Variants in MYLK observed in about 807,000 individuals in gnomAD.
MYLK encodes the protein myosin light chain kinase, also known as myosin light chain kinase, smooth muscle.
A neutral mutation model predicts 203.4 loss-of-function variants in MYLK; 106 were observed. The observed-to-expected ratio is 0.52, with a 90% CI of 0.45 to 0.61. MYLK has a LOEUF of 0.61. MYLK is among the 20% of genes least tolerant of loss of function. The pLI is 0.00. For missense variants in MYLK, 2,072 were observed against 2,442.3 expected (o/e 0.85, Z 3.20); for synonymous variants, 867 against 959.5 (o/e 0.90, Z 1.78).
At chr3:123,707,129 C>T (rs762280889) in intron 16 of MYLK, among the ~76,000 whole-genome samples, 1 of 152,198 alleles carries the variant, frequency 6.6e-6, no homozygotes, top group Non-Finnish European at 1.5e-5. Context: ...AGCAGCCCCA[C>T]GGAGAGGTCC....
chr3:123,756,616 C>T (rs2063367141), intron 4 of MYLK, among the ~76,000 whole-genome samples: 1 of 152,110 alleles, frequency 6.6e-6, no homozygotes, highest in African/African-American at 2.4e-5. Context: ...CTTTCCTTTC[C>T]CCTGCATTCT....
chr3:123,708,038 T>C (rs748289626), intron 15 of MYLK, 35 bp from the exon 16 acceptor site: 1 of 1,613,156 alleles, frequency 6.2e-7, no homozygotes, highest in East Asian at 2.2e-5. Context: ...TAAACAGGGA[T>C]GTCCCTCAGC....
chr3:123,756,066 G>A (rs2063349602), intron 4 of MYLK, among the ~76,000 whole-genome samples: 2 of 152,282 alleles, frequency 1.3e-5, no homozygotes, highest in South Asian at 4.2e-4. Context: ...AAAGAGGCCT[G>A]GAGAAGTAGA....
At chr3:123,809,892 C>T (rs918241546) in intron 3 of MYLK, among the ~76,000 whole-genome samples, 4 of 152,190 alleles carry the variant, frequency 2.6e-5, no homozygotes, top group African/African-American at 9.7e-5. Context: ...GGTTCTTATA[C>T]ATAGGAATCC....
At chr3:123,760,837 GAA>G (rs2063511173) in intron 4 of MYLK, among the ~76,000 whole-genome samples, 1 of 152,156 alleles carries the variant, frequency 6.6e-6, no homozygotes, top group African/African-American at 2.4e-5. Flanking sequence ...AACCCAATTT[GAA>G]AAGTGATCCT....
At chr3:123,793,187 T>C (rs566075246) in intron 4 of MYLK, among the ~76,000 whole-genome samples, 27 of 152,294 alleles carry the variant, frequency 1.8e-4, no homozygotes, top group Non-Finnish European at 3.4e-4. Flanking sequence ...CCAGTATTCA[T>C]TTATGACAGG....
rs1246408647 is a variant in MYLK at position 123,629,205 on chromosome 3, G to C, written c.5114+269C>G. Reference sequence around the variant, plus strand: ...ACAGCTGCCCCTTGCTCTGTAACGTGGTCAAGTGTCGCTTTTCAAGTCAGG... The same window carrying C: ...ACAGCTGCCCCTTGCTCTGTAACGTCGTCAAGTGTCGCTTTTCAAGTCAGG... On this transcript the variant is annotated intron_variant, in intron 30 of 33. Coordinates refer to ENST00000360304, the MANE Select transcript of MYLK (RefSeq NM_053025.4). This position sits in a 1 kb window ranked among gnomAD's most constrained non-coding sequence, Gnocchi z 4.4. 2.6e-5 allele frequency among the ~76,000 whole-genome samples: 4 copies of C among 152,166 alleles called. No individual in the cohort carries two copies. Among genetic ancestry groups the C allele is most frequent in the Non-Finnish European group, 5.9e-5 (4 of 68,020 alleles).
chr3:123,765,358 C>T (rs962080138), intron 4 of MYLK, among the ~76,000 whole-genome samples: 8 of 152,056 alleles, frequency 5.3e-5, no homozygotes, highest in South Asian at 2.1e-4. Flanking sequence ...TGGTGAAACC[C>T]CGTCTCTACT....
At chr3:123,688,315 G>C (rs1164834552) in intron 19 of MYLK, among the ~76,000 whole-genome samples, 1 of 152,040 alleles carries the variant, frequency 6.6e-6, no homozygotes, top group Admixed American at 6.6e-5. Context: ...AACTTCACAT[G>C]CACTAAACTC....
chr3:123,785,723 A>T (rs1353750129), intron 4 of MYLK, among the ~76,000 whole-genome samples: 1 of 152,242 alleles, frequency 6.6e-6, no homozygotes, highest in Non-Finnish European at 1.5e-5. Flanking sequence ...AGGACATTCT[A>T]TGATAATGGA....
At chr3:123,719,324 A>G (rs1219240614) in intron 13 of MYLK, among the ~76,000 whole-genome samples, 4 of 152,050 alleles carry the variant, frequency 2.6e-5, no homozygotes, top group South Asian at 2.1e-4. Context: ...CCTTGGAAGC[A>G]GGCACGAGTG....
chr3:123,642,151 G>A lies in MYLK; in HGVS notation c.4620-1647C>T, dbSNP rs569439019. Among the ~76,000 whole-genome samples the A allele has an allele frequency of 6.6e-6, 1 of 152,268 alleles. No individual in the cohort carries two copies. Among genetic ancestry groups the A allele is most frequent in the South Asian group, 2.1e-4 (1 of 4,826 alleles). Reference sequence around the variant, plus strand: ...GTTCTGGGCCTGTCCTCTTGCAAGGGTATTTCCTCTCCTACAGAGAGTCCT... The same window carrying A: ...GTTCTGGGCCTGTCCTCTTGCAAGGATATTTCCTCTCCTACAGAGAGTCCT... On this transcript the variant is annotated intron_variant, in intron 27 of 33. Coordinates refer to ENST00000360304, the MANE Select transcript of MYLK (RefSeq NM_053025.4). The surrounding 1 kb of genome is among the most constrained non-coding windows in gnomAD (Gnocchi z 4.2).
At chr3:123,825,795 C>T (rs1038496489) in intron 3 of MYLK, among the ~76,000 whole-genome samples, 2 of 152,212 alleles carry the variant, frequency 1.3e-5, no homozygotes, top group Non-Finnish European at 2.9e-5. Context: ...TGGTCCTGTA[C>T]AGCAGGGAAA....
intron 3 of MYLK, among the ~76,000 whole-genome samples, chr3:123,802,987 T>TTGTGTTTTAC (rs11281006): frequency 0.083 from 12,583 of 151,982 alleles, 1,335 homozygotes; most frequent in East Asian, 0.44. Context: ...GAACTGTGCC[T>TTGTGTTTTAC]TGTGTTTTAA....
At chr3:123,813,056 G>GA (rs2065615471) in intron 3 of MYLK, among the ~76,000 whole-genome samples, 1 of 152,186 alleles carries the variant, frequency 6.6e-6, no homozygotes, top group Non-Finnish European at 1.5e-5. Context: ...GCCGATAGAA[G>GA]AAAGGGCAGA....
At chr3:123,717,522 A>G (rs2061937517) in intron 13 of MYLK, among the ~76,000 whole-genome samples, 1 of 152,194 alleles carries the variant, frequency 6.6e-6, no homozygotes, top group African/African-American at 2.4e-5. Flanking sequence ...CTGAGAAACT[A>G]TGTCAAATGG....
At chr3:123,681,733 G>A (rs566940486) in intron 20 of MYLK, 19 of 199,232 alleles carry the variant, frequency 9.5e-5, no homozygotes, top group Admixed American at 8.0e-4. Context: ...GTGGGACCAC[G>A]TGTGCACATG....
chr3:123,610,940 A>ACAAT lies in MYLK; in HGVS notation c.*3161_*3164dup, dbSNP rs1166571755. 1.3e-5 allele frequency: 2 copies of ACAAT among 152,256 alleles called. No homozygotes were observed. Among genetic ancestry groups the ACAAT allele is most frequent in the Admixed American group, 6.5e-5 (1 of 15,288 alleles). 9.4% of individuals were successfully genotyped at this position (152,256 alleles called of 1,614,324 possible). A position where few individuals can be genotyped will look rare whatever the true frequency, so the allele number is the denominator to read the frequency against. ...TTTAATAAGATATGCAATGCAAGGA[A>ACAAT]CAATCAATGGATTATTTTTTATATG... On this transcript the variant is annotated 3_prime_UTR_variant, in exon 34 of 34. Transcript: ENST00000360304.
chr3:123,793,300 G>A (rs2064855121), intron 4 of MYLK, among the ~76,000 whole-genome samples: 1 of 152,142 alleles, frequency 6.6e-6, no homozygotes, highest in African/African-American at 2.4e-5. Flanking sequence ...AAAAGCAAGA[G>A]AAAAATTACA....
Sources: allele counts gnomAD v4.1 joint callset (sites outside exome capture counted in the v4.1 genomes callset), GRCh38; gene constraint gnomAD v4.1.1; non-coding constraint Gnocchi (gnomAD v3.1); transcripts MANE v1.5; gene names NCBI Gene and HGNC (gene_info 2026-07-23, HGNC 2026-07-21).